The following NAAA variants were observed in gnomAD, a reference collection of about 807,000 sequenced individuals.
NAAA encodes the protein N-acylethanolamine-hydrolyzing acid amidase.
Under a neutral mutation model 44.8 loss-of-function variants are expected in NAAA, and 39 were observed. The observed-to-expected ratio is 0.87, with a 90% confidence interval of 0.67 to 1.14. NAAA has a LOEUF of 1.14. Ranked by LOEUF, NAAA falls within the 50% of genes most tolerant of loss-of-function variation. The pLI, the probability that NAAA is intolerant of heterozygous loss-of-function variation, is 0.00. For synonymous variants in NAAA, 178 were observed against 191.3 expected (o/e 0.93, Z 0.58); for missense variants, 460 against 467.8 (o/e 0.98, Z 0.15).
In NAAA at chr4:75,914,291, A is replaced by AT. The variant is rs1725463428; in HGVS notation, c.*83dup. ...TAATACAATACTTTCACTTTGTCTTATTTTTTAAGGTGCAGCTCTTCAAGA... is the reference window on the plus strand; with the variant it reads ...TAATACAATACTTTCACTTTGTCTTATTTTTTTAAGGTGCAGCTCTTCAAGA... On this transcript the variant is annotated 3_prime_UTR_variant, in exon 11 of 11. Transcript: ENST00000286733. 1.6e-5 allele frequency: 16 copies of AT among 985,250 alleles called. No individual in the cohort carries two copies. Among genetic ancestry groups the AT allele is most frequent in the African/African-American group, 3.5e-5 (2 of 57,138 alleles). 61.0% of individuals were successfully genotyped at this position (985,250 alleles called of 1,614,324 possible). A position where few individuals can be genotyped will look rare whatever the true frequency, so the allele number is the denominator to read the frequency against.
chr4:75,921,743 G>C (rs1726186071), intron 5 of NAAA, among the ~76,000 whole-genome samples: 1 of 152,228 alleles, frequency 6.6e-6, no homozygotes, highest in Non-Finnish European at 1.5e-5. Flanking sequence ...AGTGGTGGTT[G>C]CAGGGTGAGG....
intron 9 of NAAA, 63 bp downstream of exon 9, chr4:75,918,698 T>A: frequency 6.4e-7 from 1 of 1,556,704 alleles, no homozygotes. Flanking sequence ...AGCCAAACAG[T>A]ACGTGAGTGA....
chr4:75,911,909 G>T (rs1301918427), downstream of NAAA, among the ~76,000 whole-genome samples: 1 of 152,094 alleles, frequency 6.6e-6, no homozygotes, highest in African/African-American at 2.4e-5. Context: ...CTGAGGGTGG[G>T]GTTATTATCA....
intron 3 of NAAA, among the ~76,000 whole-genome samples, chr4:75,933,050 G>A (rs1051586748): frequency 6.0e-5 from 9 of 149,134 alleles, no homozygotes; most frequent in Non-Finnish European, 1.2e-4. Context: ...CAGGAGAATC[G>A]CTTGAACCCA....
At chr4:75,911,335 G>T, downstream of NAAA, 1 of 512,028 alleles carries the variant, frequency 2.0e-6, no homozygotes, top group South Asian at 1.5e-5. Context: ...ACAATCACCT[G>T]ATGGGTTCTT....
intron 3 of NAAA, among the ~76,000 whole-genome samples, chr4:75,931,815 A>AT (rs1274980442): frequency 3.9e-5 from 6 of 152,076 alleles, no homozygotes; most frequent in South Asian, 2.1e-4. Context: ...AACACAACTG[A>AT]TTTTTTTTGT....
chr4:75,912,565 A>G (rs924530449), downstream of NAAA, among the ~76,000 whole-genome samples: 5 of 151,810 alleles, frequency 3.3e-5, no homozygotes, highest in Admixed American at 1.3e-4. Context: ...AAAAAAAAAA[A>G]AAAAAAGAAA....
chr4:75,935,980 T>G, intron 3 of NAAA, 129 bp downstream of exon 3: 1 of 1,103,878 alleles, frequency 9.1e-7, no homozygotes, highest in Non-Finnish European at 1.3e-6. Context: ...CTGGCTTTGT[T>G]TTTCCAGGGG....
intron 2 of NAAA, among the ~76,000 whole-genome samples, chr4:75,937,789 C>T (rs1212438970): frequency 1.3e-5 from 2 of 152,180 alleles, no homozygotes; most frequent in African/African-American, 4.8e-5. Context: ...TGGCCGGCCA[C>T]CCTCCAAGGT....
intron 3 of NAAA, among the ~76,000 whole-genome samples, chr4:75,933,763 G>A (rs536951981): frequency 5.9e-5 from 9 of 152,064 alleles, no homozygotes; most frequent in African/African-American, 1.7e-4. Context: ...TGCCTGGTGC[G>A]GTGGCTCAAA....
chr4:75,932,963 C>G (rs959595714), intron 3 of NAAA, among the ~76,000 whole-genome samples: 2 of 151,920 alleles, frequency 1.3e-5, no homozygotes, highest in South Asian at 4.2e-4. Context: ...GGTGAAACTC[C>G]AACTCTACCA....
intron 1 of NAAA, 96 bp downstream of exon 1, chr4:75,940,648 A>G (rs1025775830): frequency 1.2e-5 from 16 of 1,304,948 alleles, no homozygotes; most frequent in African/African-American, 1.5e-5. Flanking sequence ...GGCGGGGAGT[A>G]AAGCGTCCCC....
intron 3 of NAAA, among the ~76,000 whole-genome samples, chr4:75,933,320 G>A (rs1381313291): frequency 6.6e-6 from 1 of 151,740 alleles, no homozygotes; most frequent in Non-Finnish European, 1.5e-5. Flanking sequence ...ATAATTTAAG[G>A]TGGCTGAATT....
intron 5 of NAAA, 52 bp downstream of exon 5, chr4:75,925,683 G>C (rs1309089941): frequency 2.0e-5 from 30 of 1,536,372 alleles, no homozygotes; most frequent in Non-Finnish European, 2.4e-5. Flanking sequence ...ACACAGAACA[G>C]TTTAGAAGGT....
At chr4:75,938,934 C>T (rs1165234205) in intron 2 of NAAA, among the ~76,000 whole-genome samples, 1 of 152,238 alleles carries the variant, frequency 6.6e-6, no homozygotes, top group African/African-American at 2.4e-5. Context: ...ACTGCAACCT[C>T]TGCCTCCTGG....
chr4:75,925,894 T>G, intron 4 of NAAA, 83 bp from the exon 5 acceptor site: 2 of 1,285,540 alleles, frequency 1.6e-6, no homozygotes, highest in Non-Finnish European at 2.2e-6. Context: ...AGCAAGGAAA[T>G]ATAGAGAGAT....
downstream of NAAA, among the ~76,000 whole-genome samples, chr4:75,911,193 G>A (rs1725309821): frequency 6.6e-6 from 1 of 152,186 alleles, no homozygotes; most frequent in African/African-American, 2.4e-5. Context: ...TCACAATGGT[G>A]AAATGTCATC....
chr4:75,940,924 C>G lies in NAAA; in HGVS notation c.26G>C (p.Arg9Pro). 1 of 1,502,230 alleles carries G rather than the reference C, an allele frequency of 6.7e-7. No individual in the cohort carries two copies. Among genetic ancestry groups the G allele is most frequent in the Non-Finnish European group, 8.8e-7 (1 of 1,134,202 alleles). 93.1% of individuals were successfully genotyped at this position (1,502,230 alleles called of 1,614,324 possible). The stretch of plus-strand genomic sequence containing the variant: ...CAGCAGCAGGGACGGAAGCCCCGGG[C>G]GCGCCTCCCGGTCCGCGGTCCGCAT... MRTADREARPGLPSLLLLL... is the reference protein window; with the variant it reads MRTADREAPPGLPSLLLLL... Residue 9 changes from arginine to proline, a missense_variant, in exon 1 of 11, where the codon CGC becomes CCC. By Grantham distance (103) the Arg-to-Pro change is moderately radical (BLOSUM62 -2). Transcript: ENST00000286733.
At position 75,914,353 on chromosome 4, in the gene NAAA, A is replaced by G. The variant is rs1725466509; in HGVS notation, c.*37-15T>C. 2.1e-6 allele frequency: 2 copies of G among 965,516 alleles called. No individual in the cohort carries two copies. The highest frequency in any genetic ancestry group is 2.3e-4 in the East Asian group (2 of 8,726). The allele number at this position is 965,516 out of a possible 1,614,324, so 59.8% of individuals were successfully genotyped here. ...TAAAAAATCATCTGTAAGGGAAGAA[A>G]AAAACGCATTTAATTCAAAGACTGA... On this transcript the variant is annotated splice_polypyrimidine_tract_variant and intron_variant, in intron 10 of 10. Coordinates refer to ENST00000286733, the MANE Select transcript of NAAA (RefSeq NM_014435.4).
Sources: gnomAD v4.1 joint callset for allele counts (sites outside exome capture counted in the v4.1 genomes callset) on GRCh38, gnomAD v4.1.1 for gene constraint, MANE v1.5 for transcripts, NCBI Gene and HGNC (gene_info 2026-07-23, HGNC 2026-07-21) for gene names.